Variants in VWCE observed in about 807,000 individuals in gnomAD.
VWCE encodes the protein von Willebrand factor C and EGF domain-containing protein.
VWCE carries 68 observed loss-of-function variants against 102.9 expected under a neutral mutation model. The observed-to-expected ratio is 0.66, with a 90% CI of 0.54 to 0.81. The LOEUF is 0.81. VWCE is among the 30% of genes least tolerant of loss of function. VWCE has a pLI of 0.00. For missense variants in VWCE, 1,137 were observed against 1,263.6 expected (o/e 0.90, Z 1.52); for synonymous variants, 497 against 515.4 (o/e 0.96, Z 0.48).
chr11:61,270,465 T>C (rs1214504258), intron 14 of VWCE, among the ~76,000 whole-genome samples: 3 of 152,222 alleles, frequency 2.0e-5, no homozygotes, highest in Non-Finnish European at 4.4e-5. Context: ...CAGCATGTAT[T>C]AGATTGGTGC....
intron 13 of VWCE, 49 bp downstream of exon 13, chr11:61,273,150 T>C (rs749976306): frequency 1.3e-6 from 2 of 1,580,504 alleles, no homozygotes; most frequent in Admixed American, 3.3e-5. Context: ...GCTCAGCCTC[T>C]CTCCCCAGTA....
intron 3 of VWCE, 73 bp downstream of exon 3, chr11:61,291,191 G>A: frequency 1.4e-6 from 2 of 1,405,498 alleles, no homozygotes; most frequent in South Asian, 1.5e-5. Flanking sequence ...CACATCTCAA[G>A]TGCCCACTGC....
intron 10 of VWCE, 65 bp from the exon 11 acceptor site, chr11:61,276,745 A>C: frequency 2.3e-5 from 30 of 1,320,604 alleles, no homozygotes; most frequent in Non-Finnish European, 2.8e-5. Context: ...TCCCCATCTC[A>C]CAGCAGGCCC....
chr11:61,295,023 C>T lies in VWCE; in HGVS notation c.15G>A (p.Leu5=). 5 of 1,413,490 alleles carry T rather than the reference C, an allele frequency of 3.5e-6. No homozygotes were observed. Among genetic ancestry groups the T allele is most frequent in the South Asian group, 1.5e-5 (1 of 68,836 alleles). The allele number at this position is 1,413,490 out of a possible 1,614,324, so 87.6% of individuals were successfully genotyped here. The change falls in exon 1 of 20, where the codon CTG becomes CTA. Residue 5 remains leucine, a synonymous_variant. Coordinates refer to ENST00000335613, the MANE Select transcript of VWCE (RefSeq NM_152718.2). This position sits in a 1 kb window ranked among gnomAD's most constrained non-coding sequence, Gnocchi z 4.6. ...GCGCGACACAGGCGGCCCGAAGGAG[C>T]AGTCCGGCCCACATGACCGGCGGCG... MWAG[L]LLRAACVALL...
At chr11:61,270,804 A>G (rs915564794) in intron 14 of VWCE, among the ~76,000 whole-genome samples, 2 of 150,460 alleles carry the variant, frequency 1.3e-5, no homozygotes, top group Non-Finnish European at 3.0e-5. Flanking sequence ...CTCCCTGCAC[A>G]TGCACACTGT....
chr11:61,280,588 G>A (rs1338105176), intron 9 of VWCE, 36 bp downstream of exon 9: 1 of 1,605,850 alleles, frequency 6.2e-7, no homozygotes, highest in Non-Finnish European at 8.5e-7. Flanking sequence ...GAAAGGAAGA[G>A]GCAGGACTAT....
chr11:61,267,571 C>T lies in VWCE; in HGVS notation c.1883-27G>A, dbSNP rs530667968. 5 of 1,612,354 alleles carry T rather than the reference C, an allele frequency of 3.1e-6. 1 individual carries two copies. The Admixed American group carries it at 8.3e-5, about 27-fold the overall frequency. ...TGCCAGAGAGAGCATGCGCTGAGCA[C>T]CAGCTGGGAGTGGCCAGGCACCAGG... On this transcript the variant is annotated intron_variant, in intron 15 of 19. Transcript: ENST00000335613.
rs147801177 is a variant in VWCE, at chr11:61,280,395, C to T, written c.1324+229G>A. 1.2e-3 allele frequency among the ~76,000 whole-genome samples: 175 copies of T among 152,126 alleles called. 1 individual carries two copies. The highest frequency in any genetic ancestry group is 3.7e-3 in the Admixed American group (56 of 15,296). ...TGGTTCTCAAAGTATGGTCCCTAGACCAGCCACGTCAGTATCACCTGGGAA... is the reference window on the plus strand; with the variant it reads ...TGGTTCTCAAAGTATGGTCCCTAGATCAGCCACGTCAGTATCACCTGGGAA... On this transcript the variant is annotated intron_variant, in intron 9 of 19. Transcript: ENST00000335613.
chr11:61,278,215 G>A (rs1367866910), intron 10 of VWCE, among the ~76,000 whole-genome samples, 179 bp downstream of exon 10: 1 of 152,100 alleles, frequency 6.6e-6, no homozygotes, highest in African/African-American at 2.4e-5. Context: ...ACCAACCTTC[G>A]TGTTTTACAC....
In VWCE at chr11:61,271,155, C is replaced by CT. The variant is rs112784681; in HGVS notation, c.1785+519dup. 862 of 152,930 alleles carry CT rather than the reference C, an allele frequency of 5.6e-3. 14 individuals are homozygous for CT. Among genetic ancestry groups the CT allele is most frequent in the African/African-American group, 0.019 (757 of 40,240 alleles). 9.5% of individuals were successfully genotyped at this position (152,930 alleles called of 1,614,324 possible). A position where few individuals can be genotyped will look rare whatever the true frequency, so the allele number is the denominator to read the frequency against. ...TCTTGGCCATACACACTTTTTTTTT[C>CT]TTTTTTTTTGAGACTCCTTCTTGCT... On this transcript the variant is annotated intron_variant, in intron 14 of 19. Coordinates refer to ENST00000335613, the MANE Select transcript of VWCE (RefSeq NM_152718.2).
Position 61,258,799 on chromosome 11 carries a change from A to G in VWCE, c.2744T>C (p.Leu915Pro). ...GGGAGAAAGCACGCGAGGCCCGAGG[A>G]GGGTGATGGGGGTCTTCGAGGGGCT... ...DPSPSKTPIT[L>P]LGPRVLSPTT... is the part of the protein sequence containing the mutation. The change falls in exon 20 of 20, where the codon CTC becomes CCC. Residue 915 changes from leucine (L) to proline (P), a missense_variant. Coordinates refer to ENST00000335613, the MANE Select transcript of VWCE (RefSeq NM_152718.2). The G allele has an allele frequency of 6.7e-7, 1 of 1,497,694 alleles. No individual in the cohort carries two copies. The highest frequency in any genetic ancestry group is 8.9e-7 in the Non-Finnish European group (1 of 1,124,552). The allele number at this position is 1,497,694 out of a possible 1,614,324, so 92.8% of individuals were successfully genotyped here.
intron 1 of VWCE, 38 bp from the exon 2 acceptor site, chr11:61,291,614 T>A: frequency 7.2e-7 from 1 of 1,382,656 alleles, no homozygotes; most frequent in Non-Finnish European, 9.5e-7. Flanking sequence ...CATTCTATAC[T>A]GGGGGAGACA....
chr11:61,288,784 C>G (rs1855408823), intron 4 of VWCE, among the ~76,000 whole-genome samples: 1 of 151,738 alleles, frequency 6.6e-6, no homozygotes, highest in Admixed American at 6.6e-5. Context: ...TTGGACCCAA[C>G]AGCGTCCTTC....
At chr11:61,266,964 A>G (rs896028555) in intron 16 of VWCE, among the ~76,000 whole-genome samples, 12 of 152,146 alleles carry the variant, frequency 7.9e-5, no homozygotes, top group Admixed American at 3.9e-4. Context: ...CAGGTTTAAA[A>G]ATATTTCTCT....
chr11:61,278,749 C>T (rs543523767), intron 9 of VWCE, among the ~76,000 whole-genome samples: 49 of 152,282 alleles, frequency 3.2e-4, no homozygotes, highest in Non-Finnish European at 6.5e-4. Flanking sequence ...AGCCTGGTTT[C>T]AAAACCTGAG....
intron 5 of VWCE, 146 bp from the exon 6 acceptor site, chr11:61,283,051 C>T: frequency 1.4e-6 from 1 of 720,002 alleles, no homozygotes; most frequent in Non-Finnish European, 2.5e-6. Flanking sequence ...GCACTGCCCA[C>T]ATCCAGTCCT....
At chr11:61,281,498 A>G (rs1175800910) in intron 7 of VWCE, among the ~76,000 whole-genome samples, 1 of 152,266 alleles carries the variant, frequency 6.6e-6, no homozygotes, top group Non-Finnish European at 1.5e-5. Context: ...GGCTGGGGAA[A>G]CAGTGAAAAG....
In VWCE at chr11:61,282,891, G is replaced by A. The variant is rs1169083015; in HGVS notation, c.556C>T (p.Leu186=). The A allele has an allele frequency of 1.9e-6, 3 of 1,614,098 alleles. No homozygotes were observed. Among genetic ancestry groups the A allele is most frequent in the Middle Eastern group, 1.7e-4 (1 of 6,060 alleles). ...CATCTCTGCTGACAGGGAGTCCCTA[G>A]GCATTCGTCAGTGTCTGGCAGGAAA... ...RHSCQDTDEC[L]GTPCQQRCKN... Residue 186 remains leucine (L), a synonymous_variant, in exon 6 of 20, where the codon CTA becomes TTA. Coordinates refer to ENST00000335613, the MANE Select transcript of VWCE (RefSeq NM_152718.2).
intron 14 of VWCE, 122 bp from the exon 15 acceptor site, chr11:61,269,140 G>A (rs1032666027): frequency 1.3e-5 from 11 of 849,192 alleles, no homozygotes; most frequent in Admixed American, 2.2e-5. Flanking sequence ...GCAACATGAC[G>A]CGGCTGGAAG....
Sources: allele counts gnomAD v4.1 joint callset (sites outside exome capture counted in the v4.1 genomes callset), GRCh38; gene constraint gnomAD v4.1.1; non-coding constraint Gnocchi (gnomAD v3.1); transcripts MANE v1.5; gene names NCBI Gene and HGNC (gene_info 2026-07-23, HGNC 2026-07-21).